The following ACCSL variants were observed in gnomAD, a reference collection of about 807,000 sequenced individuals.
ACCSL encodes 1-aminocyclopropane-1-carboxylate synthase homolog (inactive) like, also known as probable inactive 1-aminocyclopropane-1-carboxylate synthase-like protein 2.
A neutral mutation model predicts 61.7 loss-of-function variants in ACCSL; 55 were observed. The ratio of observed to expected loss-of-function variants is 0.89; its 90% CI spans 0.72 to 1.12. The LOEUF is 1.12. Among genes scored for constraint, ACCSL ranks in the 50% most tolerant of loss-of-function variants. The pLI, the probability that ACCSL is intolerant of heterozygous loss-of-function variation, is 0.00. For synonymous variants in ACCSL, 258 were observed against 264.3 expected, an observed-to-expected ratio of 0.98 and a Z score of 0.23; for missense variants, 632 against 698.0, an observed-to-expected ratio of 0.91 and a Z score of 1.07.
the ACCSL span, among the ~76,000 whole-genome samples, chr11:43,940,318 A>G: frequency 3.1e-4 from 47 of 151,514 alleles, no homozygotes; most frequent in Non-Finnish European, 1.5e-4. Flanking sequence ...TGGAGCATGC[A>G]TTAAGATGCC....
the ACCSL span, among the ~76,000 whole-genome samples, chr11:44,036,427 C>T: frequency 2.0e-5 from 3 of 152,218 alleles, no homozygotes; most frequent in African/African-American, 4.8e-5. Context: ...GCCAAGGACA[C>T]GTTCCTCATT....
chr11:43,923,548 C>T, the ACCSL span, among the ~76,000 whole-genome samples: 1 of 152,234 alleles, frequency 6.6e-6, no homozygotes, highest in Non-Finnish European at 1.5e-5. Flanking sequence ...ATGTGAGACC[C>T]TTGTCAGACT....
At chr11:43,978,474 G>A in the ACCSL span, among the ~76,000 whole-genome samples, 62 of 152,284 alleles carry the variant, frequency 4.1e-4, 1 homozygote, top group Admixed American at 3.9e-3. Context: ...AAAGTATCAC[G>A]TAATCAGGAA....
the ACCSL span, among the ~76,000 whole-genome samples, chr11:44,018,211 A>T: frequency 1.3e-5 from 2 of 152,160 alleles, no homozygotes; most frequent in Non-Finnish European, 2.9e-5. Flanking sequence ...GAGACCAAAG[A>T]TGCAGATATC....
the ACCSL span, among the ~76,000 whole-genome samples, chr11:44,006,704 C>T: frequency 1.3e-5 from 2 of 151,876 alleles, no homozygotes; most frequent in South Asian, 2.1e-4. Context: ...GGGGTTTCAT[C>T]ATGTTGGCCC....
chr11:43,925,817 C>T, the ACCSL span, among the ~76,000 whole-genome samples: 1 of 152,168 alleles, frequency 6.6e-6, no homozygotes, highest in Admixed American at 6.5e-5. Context: ...TTTCCTCCAC[C>T]GTGAAATGGA....
chr11:43,930,848 C>T, the ACCSL span, among the ~76,000 whole-genome samples: 1 of 152,102 alleles, frequency 6.6e-6, no homozygotes, highest in Admixed American at 6.5e-5. Flanking sequence ...CACACTAAAA[C>T]TAAAGCTTCA....
chr11:43,988,922 C>G, the ACCSL span, among the ~76,000 whole-genome samples: 11 of 150,994 alleles, frequency 7.3e-5, no homozygotes, highest in Non-Finnish European at 1.5e-4. Context: ...AGGTACATGC[C>G]ACCACACCCT....
the ACCSL span, chr11:43,933,400 C>T: frequency 7.0e-6 from 2 of 285,488 alleles, no homozygotes; most frequent in South Asian, 3.5e-5. Flanking sequence ...CTGACTCCAC[C>T]CTGCCTTGCC....
chr11:43,964,744 C>A, the ACCSL span, among the ~76,000 whole-genome samples: 1 of 152,036 alleles, frequency 6.6e-6, no homozygotes, highest in Non-Finnish European at 1.5e-5. Context: ...GGATTATACA[C>A]CATGACTGAT....
the ACCSL span, chr11:44,001,212 G>A: frequency 6.6e-6 from 1 of 152,036 alleles, no homozygotes; most frequent in African/African-American, 2.4e-5. Context: ...TACCAAGCAA[G>A]GTGGAAACCG....
the ACCSL span, among the ~76,000 whole-genome samples, chr11:43,930,658 C>T: frequency 2.6e-5 from 4 of 152,050 alleles, no homozygotes; most frequent in Non-Finnish European, 4.4e-5. Context: ...GTACAGCCTG[C>T]GGAATTGTAT....
chr11:43,928,352 A>G, the ACCSL span, among the ~76,000 whole-genome samples: 2 of 152,182 alleles, frequency 1.3e-5, no homozygotes, highest in African/African-American at 4.8e-5. Flanking sequence ...CCTTCTTCCC[A>G]TGAGTGCTGA....
chr11:43,933,677 G>A, the ACCSL span, among the ~76,000 whole-genome samples: 4 of 152,176 alleles, frequency 2.6e-5, no homozygotes, highest in African/African-American at 4.8e-5. Context: ...AAGCTGTGCC[G>A]GAAAGCAGAA....
intron 3 of ACCSL, 112 bp from the exon 4 acceptor site, chr11:44,051,223 A>G: frequency 9.8e-7 from 1 of 1,022,754 alleles, no homozygotes; most frequent in Admixed American, 1.7e-5. Context: ...GCCCTGTAAT[A>G]TGAGGTTGGA....
chr11:44,004,730 C>T, the ACCSL span, among the ~76,000 whole-genome samples: 9 of 152,188 alleles, frequency 5.9e-5, no homozygotes, highest in Non-Finnish European at 1.2e-4. Context: ...CTTTGCTCCT[C>T]AAAATGCAGT....
the ACCSL span, among the ~76,000 whole-genome samples, chr11:43,948,860 A>C: frequency 1.3e-5 from 2 of 152,154 alleles, no homozygotes; most frequent in Admixed American, 1.3e-4. Context: ...CTGGGTTTGA[A>C]TCTATTGCCT....
chr11:43,944,228 C>T, the ACCSL span: 3 of 171,986 alleles, frequency 1.7e-5, no homozygotes, highest in Non-Finnish European at 2.5e-5. Context: ...TCAGGGTCCT[C>T]GCCCCGCACC....
At chr11:44,031,060 T>C in the ACCSL span, among the ~76,000 whole-genome samples, 1 of 152,166 alleles carries the variant, frequency 6.6e-6, no homozygotes, top group African/African-American at 2.4e-5. Flanking sequence ...GGGGTTTAAG[T>C]CTCAGCCCTG....
Sources: gnomAD v4.1 joint callset for allele counts (sites outside exome capture counted in the v4.1 genomes callset) on GRCh38, gnomAD v4.1.1 for gene constraint, MANE v1.5 for transcripts, NCBI Gene and HGNC (gene_info 2026-07-23, HGNC 2026-07-21) for gene names.